BLTP1: variants seen among roughly 807,000 people sequenced by gnomAD.
BLTP1 encodes the protein bridge-like lipid transfer protein family member 1.
At chr4:122,331,197 C>T in the BLTP1 span, 1 of 1,410,032 alleles carries the variant, frequency 7.1e-7, no homozygotes, top group Non-Finnish European at 9.3e-7. Context: ...CCATTAAACT[C>T]ACTCATGTGA....
At chr4:122,235,364 A>G in the BLTP1 span, 1 of 984,836 alleles carries the variant, frequency 1.0e-6, no homozygotes, top group East Asian at 1.1e-4. Context: ...TCAAGGTAAC[A>G]ATTGTTTCAC....
chr4:122,258,760 A>G, the BLTP1 span: 15 of 1,613,966 alleles, frequency 9.3e-6, no homozygotes, highest in African/African-American at 1.2e-4. Context: ...TCCACCTGGT[A>G]GCTCTGGACC....
the BLTP1 span, chr4:122,313,762 C>T: frequency 1.1e-6 from 1 of 887,338 alleles, no homozygotes; most frequent in African/African-American, 1.7e-5. Context: ...AATCTTTTGG[C>T]TAAGCTAATT....
the BLTP1 span, chr4:122,224,617 A>C: frequency 1.2e-6 from 2 of 1,614,132 alleles, no homozygotes; most frequent in Non-Finnish European, 1.7e-6. Flanking sequence ...ATTCCTTAGA[A>C]TACGCATGGT....
At chr4:122,272,024 A>C in the BLTP1 span, 1 of 1,130,836 alleles carries the variant, frequency 8.8e-7, no homozygotes, top group African/African-American at 1.6e-5. Context: ...AGAAATTTTT[A>C]ATCATTTTGT....
the BLTP1 span, among the ~76,000 whole-genome samples, chr4:122,359,039 A>T: frequency 5.9e-5 from 9 of 151,754 alleles, no homozygotes; most frequent in African/African-American, 2.2e-4. Flanking sequence ...GCTTAAATTA[A>T]TGAATGGTAT....
the BLTP1 span, chr4:122,324,454 T>C: frequency 6.2e-7 from 1 of 1,610,678 alleles, no homozygotes; most frequent in Non-Finnish European, 8.5e-7. Flanking sequence ...TAAGTGGGGT[T>C]TGAGTTACAA....
At chr4:122,168,905 A>G in the BLTP1 span, among the ~76,000 whole-genome samples, 3 of 152,120 alleles carry the variant, frequency 2.0e-5, no homozygotes, top group Non-Finnish European at 4.4e-5. Context: ...ATGAAACATA[A>G]TGTGTTGTAG....
the BLTP1 span, among the ~76,000 whole-genome samples, chr4:122,311,207 C>G: frequency 6.6e-6 from 1 of 151,996 alleles, no homozygotes; most frequent in Non-Finnish European, 1.5e-5. Context: ...GAATCAGAAA[C>G]ATGCATTAAA....
chr4:122,230,294 G>A, the BLTP1 span: 1 of 1,141,912 alleles, frequency 8.8e-7, no homozygotes, highest in South Asian at 1.4e-5. Flanking sequence ...TCTACTGAGA[G>A]AATGGACTAA....
the BLTP1 span, chr4:122,224,790 G>A: frequency 6.3e-7 from 1 of 1,582,376 alleles, no homozygotes; most frequent in Non-Finnish European, 8.6e-7. Flanking sequence ...TCCACTGATG[G>A]CATTCTGATG....
chr4:122,309,569 A>T, the BLTP1 span: 2 of 1,141,850 alleles, frequency 1.8e-6, no homozygotes, highest in Non-Finnish European at 2.5e-6. Flanking sequence ...ATGTTTTTAG[A>T]CTTTGAGAAA....
the BLTP1 span, chr4:122,274,273 T>C: frequency 1.1e-5 from 10 of 900,996 alleles, no homozygotes; most frequent in Admixed American, 1.8e-4. Context: ...ATGAATAAAA[T>C]GTAATTTTAA....
the BLTP1 span, among the ~76,000 whole-genome samples, chr4:122,339,890 A>G: frequency 1.3e-5 from 2 of 152,204 alleles, no homozygotes; most frequent in Admixed American, 1.3e-4. Context: ...TGGTTATACA[A>G]CTCAAATATG....
At chr4:122,243,587 C>CA in the BLTP1 span, 1 of 365,070 alleles carries the variant, frequency 2.7e-6, no homozygotes. Context: ...CTTTTTAGTA[C>CA]AAAAAATACA....
chr4:122,193,994 C>T, the BLTP1 span, among the ~76,000 whole-genome samples: 1 of 151,548 alleles, frequency 6.6e-6, no homozygotes, highest in Admixed American at 6.6e-5. Flanking sequence ...TCCCAAGTAG[C>T]TGGGACTACA....
chr4:122,341,940 GT>G, the BLTP1 span: 1 of 469,506 alleles, frequency 2.1e-6, no homozygotes, highest in Non-Finnish European at 2.8e-6. Context: ...AGAAGAAACA[GT>G]TTGTCAACTC....
At chr4:122,165,121 G>T in the BLTP1 span, among the ~76,000 whole-genome samples, 1 of 151,822 alleles carries the variant, frequency 6.6e-6, no homozygotes, top group Non-Finnish European at 1.5e-5. Context: ...TGCATAACGT[G>T]CAGGTTAGTT....
At chr4:122,228,556 T>C in the BLTP1 span, among the ~76,000 whole-genome samples, 1 of 152,224 alleles carries the variant, frequency 6.6e-6, no homozygotes, top group Non-Finnish European at 1.5e-5. Context: ...TTTCATGCTA[T>C]TGGGCCAATA....
Sources: gnomAD v4.1 joint callset for allele counts (sites outside exome capture counted in the v4.1 genomes callset) on GRCh38, gnomAD v4.1.1 for gene constraint, MANE v1.5 for transcripts, NCBI Gene and HGNC (gene_info 2026-07-23, HGNC 2026-07-21) for gene names.